Variants in TBC1D23 observed in about 807,000 individuals in gnomAD.
TBC1D23 encodes TBC1 domain family member 23, also known as HCV non-structural protein 4A-transactivated protein 1.
Under a neutral mutation model 91.4 loss-of-function variants are expected in TBC1D23, and 55 were observed. That is an observed-to-expected ratio of 0.60 (90% confidence interval 0.48 to 0.75). The LOEUF (loss-of-function observed/expected upper bound fraction) is 0.75, where lower values mean the gene tolerates loss of function less well. Ranked by LOEUF, TBC1D23 falls within the 30% of genes least tolerant of loss-of-function variation. TBC1D23 has a pLI of 0.00. For synonymous variants in TBC1D23, 289 were observed against 281.0 expected (o/e 1.03, Z -0.28); for missense variants, 725 against 836.1 (o/e 0.87, Z 1.64).
At chr3:100,314,333 T>C (rs1705691800) in intron 15 of TBC1D23, among the ~76,000 whole-genome samples, 1 of 152,068 alleles carries the variant, frequency 6.6e-6, no homozygotes, top group Non-Finnish European at 1.5e-5. Flanking sequence ...CCTGACCTCG[T>C]GATCTGCCCA....
intron 15 of TBC1D23, among the ~76,000 whole-genome samples, chr3:100,314,842 A>G (rs1006322753): frequency 6.6e-6 from 1 of 152,206 alleles, no homozygotes; most frequent in East Asian, 1.9e-4. Flanking sequence ...ACATTGGAAT[A>G]GCTCTTGAAA....
intron 7 of TBC1D23, among the ~76,000 whole-genome samples, 182 bp downstream of exon 7, chr3:100,295,530 A>G (rs2067831599): frequency 6.6e-6 from 1 of 152,172 alleles, no homozygotes; most frequent in Non-Finnish European, 1.5e-5. Context: ...TTATTTTGCC[A>G]TCTTCATTCA....
At chr3:100,293,294 C>G (rs559739093) in intron 5 of TBC1D23, among the ~76,000 whole-genome samples, 2 of 152,180 alleles carry the variant, frequency 1.3e-5, no homozygotes, top group African/African-American at 4.8e-5. Context: ...CCACCACACC[C>G]GGCTAATTTT....
intron 1 of TBC1D23, among the ~76,000 whole-genome samples, chr3:100,273,929 T>C (rs994808662): frequency 6.6e-6 from 1 of 152,176 alleles, no homozygotes; most frequent in Admixed American, 6.5e-5. Context: ...TATTCAAAAT[T>C]GTATTTTCAG....
chr3:100,290,652 C>T lies in TBC1D23; in HGVS notation c.551C>T (p.Ser184Phe). The T allele has an allele frequency of 1.2e-6, 2 of 1,612,836 alleles. No homozygotes were observed. Among genetic ancestry groups the T allele is most frequent in the East Asian group, 2.2e-5 (1 of 44,854 alleles). Residue 184 changes from serine (S) to phenylalanine (F), a missense_variant, in exon 5 of 19, where the codon TCT becomes TTT. By Grantham distance (155) the Ser-to-Phe change is radical. Transcript: ENST00000394144. Reference sequence around the variant, plus strand: ...CAATACCATGAGCCTGAGCTTTGTTCTTATCTTGATACAAAGAAAATTACT... The same window carrying T: ...CAATACCATGAGCCTGAGCTTTGTTTTTATCTTGATACAAAGAAAATTACT... ...LIQYHEPELC[S>F]YLDTKKITPD...
chr3:100,323,510 G>A, intron 18 of TBC1D23, 77 bp from the exon 19 acceptor site: 2 of 729,684 alleles, frequency 2.7e-6, no homozygotes, highest in Non-Finnish European at 3.7e-6. Flanking sequence ...GAGTCTTGAA[G>A]GGAAAGCACT....
chr3:100,266,322 T>C (rs1576155164), intron 1 of TBC1D23, among the ~76,000 whole-genome samples: 1 of 151,864 alleles, frequency 6.6e-6, no homozygotes, highest in Non-Finnish European at 1.5e-5. Flanking sequence ...CAGGCTGGAG[T>C]GCAGTGTGCG....
chr3:100,282,485 A>C (rs1238773350), intron 3 of TBC1D23, among the ~76,000 whole-genome samples: 1 of 152,186 alleles, frequency 6.6e-6, no homozygotes, highest in East Asian at 1.9e-4. Context: ...TTTATCTATA[A>C]ATCATAGTTT....
chr3:100,296,647 C>T (rs151037300), intron 8 of TBC1D23, among the ~76,000 whole-genome samples: 1,919 of 151,926 alleles, frequency 0.013, 36 homozygotes, highest in African/African-American at 0.043. Flanking sequence ...ATCACGAGGT[C>T]GGGAGATCGA....
At chr3:100,299,383 T>C (rs1395635147) in intron 10 of TBC1D23, 52 bp downstream of exon 10, 3 of 1,187,700 alleles carry the variant, frequency 2.5e-6, no homozygotes, top group South Asian at 1.4e-5. Flanking sequence ...TTTCCTTCAG[T>C]TCATAAATAA....
At chr3:100,264,952 G>A (rs1159298756) in intron 1 of TBC1D23, among the ~76,000 whole-genome samples, 4 of 152,182 alleles carry the variant, frequency 2.6e-5, no homozygotes, top group Non-Finnish European at 2.9e-5. Context: ...CTCTGTTTCT[G>A]ACTAGCTGCT....
At chr3:100,279,259 A>G (rs1398235726) in intron 1 of TBC1D23, among the ~76,000 whole-genome samples, 1 of 152,186 alleles carries the variant, frequency 6.6e-6, no homozygotes, top group East Asian at 1.9e-4. Flanking sequence ...CCTACCTCAT[A>G]GGGATTGTTA....
intron 1 of TBC1D23, among the ~76,000 whole-genome samples, chr3:100,263,014 G>A (rs911635199): frequency 6.6e-6 from 1 of 152,150 alleles, no homozygotes; most frequent in Non-Finnish European, 1.5e-5. Flanking sequence ...TTTCATGCGC[G>A]TCCGTGTGAA....
intron 1 of TBC1D23, among the ~76,000 whole-genome samples, chr3:100,275,557 T>C (rs961881783): frequency 2.0e-5 from 3 of 151,764 alleles, no homozygotes; most frequent in African/African-American, 7.3e-5. Flanking sequence ...ATTACAGGTA[T>C]AAGCTACTGC....
intron 11 of TBC1D23, among the ~76,000 whole-genome samples, chr3:100,303,776 CAAAAT>C (rs1705472811): frequency 6.6e-6 from 1 of 151,794 alleles, no homozygotes; most frequent in Non-Finnish European, 1.5e-5. Flanking sequence ...TTCTCAAAAA[CAAAAT>C]AAAATAAAAA....
chr3:100,283,566 A>C, intron 3 of TBC1D23, 41 bp from the exon 4 acceptor site: 1 of 1,408,764 alleles, frequency 7.1e-7, no homozygotes, highest in Non-Finnish European at 1.0e-6. Context: ...ACAGCCCCTG[A>C]CAGGCCCTCA....
Position 100,290,625 on chromosome 3 carries a change from T to C in TBC1D23, c.524T>C (p.Ile175Thr). The C allele has an allele frequency of 6.2e-7, 1 of 1,613,850 alleles. No homozygotes were observed. The highest frequency in any genetic ancestry group is 8.5e-7 in the Non-Finnish European group (1 of 1,179,758). The change falls in exon 5 of 19, where the codon ATC becomes ACC. Residue 175 changes from isoleucine to threonine, a missense_variant. Coordinates refer to ENST00000394144, the MANE Select transcript of TBC1D23 (RefSeq NM_001199198.3). ...GRPFHLFRLL[I>T]QYHEPELCSY... ...CCATTTCATCTCTTCAGGTTGCTCA[T>C]CCAATACCATGAGCCTGAGCTTTGT...
chr3:100,296,292 G>T lies in TBC1D23; in HGVS notation c.876+17G>T. ...TTTAGGAAGGTATAAGACCAGAAATGACCAACTATGTTGTATTTCATATTT... is the reference window on the plus strand; with the variant it reads ...TTTAGGAAGGTATAAGACCAGAAATTACCAACTATGTTGTATTTCATATTT... On this transcript the variant is annotated intron_variant, in intron 8 of 18. Transcript: ENST00000394144. The T allele has an allele frequency of 7.3e-7, 1 of 1,362,318 alleles. No individual in the cohort carries two copies. The highest frequency in any genetic ancestry group is 1.2e-5 in the South Asian group (1 of 80,440). The allele number at this position is 1,362,318 out of a possible 1,614,324, so 84.4% of individuals were successfully genotyped here. A position where few individuals can be genotyped will look rare whatever the true frequency, so the allele number is the denominator to read the frequency against.
intron 1 of TBC1D23, among the ~76,000 whole-genome samples, chr3:100,273,352 A>G (rs564347305): frequency 6.6e-6 from 1 of 152,210 alleles, no homozygotes; most frequent in Admixed American, 6.5e-5. Flanking sequence ...AGGCAGAAGA[A>G]TTTTTCTTAG....
Sources: gnomAD v4.1 joint callset for allele counts (sites outside exome capture counted in the v4.1 genomes callset) on GRCh38, gnomAD v4.1.1 for gene constraint, MANE v1.5 for transcripts, NCBI Gene and HGNC (gene_info 2026-07-23, HGNC 2026-07-21) for gene names.